The following IDO2 variants were observed in gnomAD, a reference collection of about 807,000 sequenced individuals.
The protein encoded by IDO2 is indoleamine 2,3-dioxygenase 2.
Under a neutral mutation model 45.1 loss-of-function variants are expected in IDO2, and 46 were observed. That is an observed-to-expected ratio of 1.02 (90% CI 0.80 to 1.30). The LOEUF is 1.30. Ranked by LOEUF, IDO2 falls within the 50% of genes most tolerant of loss-of-function variation. IDO2 has a pLI of 0.00. For missense variants in IDO2, 544 were observed against 491.8 expected (o/e 1.11, Z -1.00); for synonymous variants, 218 against 184.9 (o/e 1.18, Z -1.45).
At chr8:39,984,489 C>A (rs1808395579) in intron 5 of IDO2, among the ~76,000 whole-genome samples, 1 of 152,090 alleles carries the variant, frequency 6.6e-6, no homozygotes, top group Non-Finnish European at 1.5e-5. Flanking sequence ...ACAAACAAAA[C>A]AAAACAAAAC....
intron 9 of IDO2, among the ~76,000 whole-genome samples, chr8:40,008,337 T>C (rs1802253695): frequency 6.6e-6 from 1 of 152,144 alleles, no homozygotes; most frequent in Non-Finnish European, 1.5e-5. Context: ...TGAGCCATCA[T>C]GCCCAGCCAG....
At chr8:39,975,785 C>T (rs973240670) in intron 3 of IDO2, among the ~76,000 whole-genome samples, 2 of 151,950 alleles carry the variant, frequency 1.3e-5, no homozygotes, top group African/African-American at 4.8e-5. Context: ...GCTTCCTAGG[C>T]CTGTGTACCC....
chr8:39,966,337 C>G (rs918853508), intron 3 of IDO2, among the ~76,000 whole-genome samples: 1 of 152,120 alleles, frequency 6.6e-6, no homozygotes, highest in African/African-American at 2.4e-5. Context: ...TCTATCCCTA[C>G]TCTTAATTGC....
At chr8:39,953,359 C>T (rs995397783) in intron 2 of IDO2, among the ~76,000 whole-genome samples, 1 of 152,160 alleles carries the variant, frequency 6.6e-6, no homozygotes, top group African/African-American at 2.4e-5. Context: ...GATGCCGAAG[C>T]TCCACCTAGA....
chr8:39,973,590 C>CATAA (rs1183267948), intron 3 of IDO2, among the ~76,000 whole-genome samples: 1 of 151,990 alleles, frequency 6.6e-6, no homozygotes, highest in African/African-American at 2.4e-5. Context: ...TAATAGCATT[C>CATAA]TAATTGTGCA....
intron 6 of IDO2, chr8:39,986,155 T>C (rs1808419193): frequency 6.6e-6 from 1 of 152,236 alleles, no homozygotes; most frequent in African/African-American, 2.4e-5. Flanking sequence ...GAAAAAAATA[T>C]TTCTCATCTC....
At chr8:39,965,571 C>A (rs1485883371) in intron 3 of IDO2, among the ~76,000 whole-genome samples, 1 of 152,038 alleles carries the variant, frequency 6.6e-6, no homozygotes, top group Non-Finnish European at 1.5e-5. Flanking sequence ...TCCTAGAAGT[C>A]ATGTTCATGC....
intron 3 of IDO2, 117 bp from the exon 4 acceptor site, chr8:39,978,950 T>A: frequency 2.2e-6 from 2 of 921,316 alleles, no homozygotes; most frequent in South Asian, 3.2e-5. Context: ...TTCATTAAAA[T>A]ATAACCCATT....
At chr8:39,996,542 C>T (rs1300603221) in intron 8 of IDO2, among the ~76,000 whole-genome samples, 1 of 151,966 alleles carries the variant, frequency 6.6e-6, no homozygotes, top group Non-Finnish European at 1.5e-5. Context: ...TACTGGTCTC[C>T]GCATCTTGGT....
At chr8:39,965,927 G>A (rs138759286) in intron 3 of IDO2, among the ~76,000 whole-genome samples, 628 of 151,842 alleles carry the variant, frequency 4.1e-3, no homozygotes, top group African/African-American at 6.2e-3. Context: ...TTCCATAACT[G>A]TGGCAGAGTA....
chr8:39,939,180 T>A (rs1451608631), intron 1 of IDO2, among the ~76,000 whole-genome samples: 2 of 148,398 alleles, frequency 1.3e-5, no homozygotes, highest in South Asian at 4.2e-4. Flanking sequence ...GAGGTGGAGG[T>A]TGCAGTGAGC....
intron 1 of IDO2, among the ~76,000 whole-genome samples, chr8:39,943,606 T>A (rs1026419821): frequency 4.6e-5 from 7 of 150,928 alleles, no homozygotes; most frequent in African/African-American, 1.7e-4. Context: ...GCGAGGTGGC[T>A]GGTGCCTGTA....
intron 5 of IDO2, chr8:39,985,067 G>A: frequency 3.2e-6 from 1 of 310,286 alleles, no homozygotes; most frequent in Non-Finnish European, 6.1e-6. Flanking sequence ...GAGTAGCTGG[G>A]ATTGCAGGCA....
At chr8:40,013,307 T>C (rs1273683041) in intron 9 of IDO2, among the ~76,000 whole-genome samples, 1 of 152,130 alleles carries the variant, frequency 6.6e-6, no homozygotes, top group Non-Finnish European at 1.5e-5. Context: ...TGCCACAAAT[T>C]CCTCTCTAAA....
chr8:39,954,299 C>T (rs1390617171), intron 2 of IDO2, among the ~76,000 whole-genome samples: 1 of 152,180 alleles, frequency 6.6e-6, no homozygotes, highest in Non-Finnish European at 1.5e-5. Context: ...ACCCCCTATT[C>T]AACTCACAAA....
At chr8:39,973,248 T>C (rs1808207984) in intron 3 of IDO2, among the ~76,000 whole-genome samples, 1 of 152,166 alleles carries the variant, frequency 6.6e-6, no homozygotes, top group Non-Finnish European at 1.5e-5. Flanking sequence ...TATAAATATA[T>C]AAGAATGTAT....
chr8:39,971,689 G>A (rs766259397), intron 3 of IDO2, among the ~76,000 whole-genome samples: 2 of 152,322 alleles, frequency 1.3e-5, no homozygotes, highest in Non-Finnish European at 2.9e-5. Context: ...ATGACTTTGA[G>A]GGGTTCAAGA....
At chr8:39,947,219 AT>A (rs1298279211) in intron 1 of IDO2, among the ~76,000 whole-genome samples, 1 of 151,028 alleles carries the variant, frequency 6.6e-6, no homozygotes, top group African/African-American at 2.4e-5. Context: ...TAATTAAATA[AT>A]TTGTTCTTGC....
At chr8:40,004,161 T>A (rs118162234) in intron 8 of IDO2, among the ~76,000 whole-genome samples, 1 of 152,100 alleles carries the variant, frequency 6.6e-6, no homozygotes, top group East Asian at 1.9e-4. Context: ...TAGGACCCAG[T>A]AAAAATCTAG....
Sources: allele counts gnomAD v4.1 joint callset (sites outside exome capture counted in the v4.1 genomes callset), GRCh38; gene constraint gnomAD v4.1.1; transcripts MANE v1.5; gene names NCBI Gene and HGNC (gene_info 2026-07-23, HGNC 2026-07-21).